The following PVT1 variants were observed in gnomAD, a reference collection of about 807,000 sequenced individuals.
PVT1 encodes the protein CXCR4/PVT1 fusion.
intron 4 of PVT1, among the ~76,000 whole-genome samples, chr8:128,033,313 G>T (rs934025955): frequency 1.0e-4 from 15 of 147,380 alleles, no homozygotes; most frequent in African/African-American, 4.1e-4. Flanking sequence ...TGGTTCCCAT[G>T]TGTGTGTGCA....
intron 4 of PVT1, among the ~76,000 whole-genome samples, chr8:128,003,067 G>A (rs62512842): frequency 0.29 from 42,762 of 147,598 alleles, 6,334 homozygotes; most frequent in East Asian, 0.49. Flanking sequence ...GTGCAATCTC[G>A]GCTTGCTGCA....
At chr8:127,905,570 A>T (rs1014097408) in intron 3 of PVT1, among the ~76,000 whole-genome samples, 1 of 152,172 alleles carries the variant, frequency 6.6e-6, no homozygotes, top group Non-Finnish European at 1.5e-5. Context: ...ATGTGTTTGT[A>T]TGAATGTTTG....
At chr8:128,074,234 C>T (rs1360875397) in intron 5 of PVT1, among the ~76,000 whole-genome samples, 1 of 152,184 alleles carries the variant, frequency 6.6e-6, no homozygotes, top group Non-Finnish European at 1.5e-5. Flanking sequence ...CGACCGGGCA[C>T]AGTGGCTCAC....
intron 3 of PVT1, chr8:127,989,129 A>C (rs1817002193): frequency 6.6e-6 from 1 of 152,180 alleles, no homozygotes; most frequent in Non-Finnish European, 1.5e-5. Flanking sequence ...GTAAACATTG[A>C]TATTAATATG....
At chr8:127,899,490 G>A (rs1196021309) in intron 3 of PVT1, among the ~76,000 whole-genome samples, 1 of 152,176 alleles carries the variant, frequency 6.6e-6, no homozygotes, top group Non-Finnish European at 1.5e-5. Flanking sequence ...GTCTCTCAAT[G>A]GGGTGACAGT....
chr8:127,903,545 A>T (rs1156333742), intron 3 of PVT1, among the ~76,000 whole-genome samples: 1 of 152,146 alleles, frequency 6.6e-6, no homozygotes, highest in East Asian at 1.9e-4. Context: ...GTTTTCTTCT[A>T]GGATTTTTAT....
intron 2 of PVT1, among the ~76,000 whole-genome samples, chr8:127,849,916 C>T (rs1264526681): frequency 2.9e-5 from 4 of 139,456 alleles, no homozygotes; most frequent in Admixed American, 7.2e-5. Flanking sequence ...TGTGCTCCTG[C>T]GTGCACGTGC....
At chr8:127,868,191 A>G (rs1382635207) in intron 2 of PVT1, among the ~76,000 whole-genome samples, 1 of 152,144 alleles carries the variant, frequency 6.6e-6, no homozygotes, top group Non-Finnish European at 1.5e-5. Context: ...GGGAAGACCT[A>G]GAGAGGTTAG....
chr8:128,036,347 C>T (rs1277176210), intron 4 of PVT1, among the ~76,000 whole-genome samples: 1 of 152,166 alleles, frequency 6.6e-6, no homozygotes, highest in Non-Finnish European at 1.5e-5. Context: ...AGTATGTACC[C>T]CAGCACCTTC....
intron 2 of PVT1, among the ~76,000 whole-genome samples, chr8:127,823,121 T>C (rs1814751149): frequency 6.6e-6 from 1 of 152,232 alleles, no homozygotes; most frequent in South Asian, 2.1e-4. Context: ...GTGGCACGTA[T>C]GCTATGATCT....
chr8:127,926,355 C>T (rs897919998), intron 3 of PVT1, among the ~76,000 whole-genome samples: 4 of 152,288 alleles, frequency 2.6e-5, no homozygotes, highest in Middle Eastern at 3.4e-3. Context: ...CTCCCTGGAC[C>T]GGTACACTCA....
chr8:128,067,126 A>G (rs747755114), intron 4 of PVT1, among the ~76,000 whole-genome samples: 6 of 152,086 alleles, frequency 3.9e-5, no homozygotes, highest in Admixed American at 6.5e-5. Context: ...ATCTTTGACA[A>G]TCTTGTTTTA....
At chr8:127,986,741 C>T (rs1816974896) in intron 3 of PVT1, among the ~76,000 whole-genome samples, 1 of 152,178 alleles carries the variant, frequency 6.6e-6, no homozygotes, top group Non-Finnish European at 1.5e-5. Context: ...CTCTAAACAC[C>T]CTGGCCTGCC....
rs182484180 is a variant in PVT1 at position 127,856,977 on chromosome 8, G to A, written n.373-33612G>A. Among the ~76,000 whole-genome samples the A allele has an allele frequency of 2.3e-3, 346 of 152,266 alleles. 2 individuals carry two copies. Among genetic ancestry groups the A allele is most frequent in the African/African-American group, 8.2e-3 (342 of 41,566 alleles). ...GAGGTGGCTCATGCCTGTAATTCCAGCACTTTGGGAGGCCGAGGCAGGTGG... is the reference window on the plus strand; with the variant it reads ...GAGGTGGCTCATGCCTGTAATTCCAACACTTTGGGAGGCCGAGGCAGGTGG... On this transcript the variant is annotated intron_variant and non_coding_transcript_variant, in intron 2 of 10. Transcript: ENST00000651587.
At chr8:127,929,290 T>C (rs10956396) in intron 3 of PVT1, among the ~76,000 whole-genome samples, 54,116 of 150,718 alleles carry the variant, frequency 0.36, 10,011 homozygotes, top group East Asian at 0.53. Context: ...TAGTCCCTCC[T>C]CAGACAGGCA....
intron 2 of PVT1, among the ~76,000 whole-genome samples, chr8:127,796,877 CTTTT>C (rs34435526): frequency 1.7e-5 from 2 of 121,122 alleles, no homozygotes; most frequent in Non-Finnish European, 3.4e-5. Flanking sequence ...TCTTGTTTTG[CTTTT>C]TTTTTTTTTT....
intron 2 of PVT1, among the ~76,000 whole-genome samples, chr8:127,856,446 A>C (rs1280473735): frequency 1.3e-5 from 2 of 151,036 alleles, no homozygotes; most frequent in African/African-American, 2.4e-5. Context: ...GGTTCAAGTG[A>C]TTCTCCTGTC....
chr8:127,956,587 C>A (rs1415473409), intron 3 of PVT1, among the ~76,000 whole-genome samples: 1 of 152,196 alleles, frequency 6.6e-6, no homozygotes. Context: ...TGAGTTCAAG[C>A]GATTCTCCTG....
At chr8:128,070,214 C>T (rs976130085) in exon 5 of PVT1, 1 of 152,422 alleles carries the variant, frequency 6.6e-6, no homozygotes, top group African/African-American at 2.4e-5. Flanking sequence ...TGCATCTACC[C>T]TGCCCATGCC....
Sources: gnomAD v4.1 joint callset for allele counts (sites outside exome capture counted in the v4.1 genomes callset) on GRCh38, gnomAD v4.1.1 for gene constraint, MANE v1.5 for transcripts, NCBI Gene and HGNC (gene_info 2026-07-23, HGNC 2026-07-21) for gene names.